CHCHD6: variants seen among roughly 807,000 people sequenced by gnomAD.
CHCHD6 encodes the protein MICOS complex subunit MIC25.
In CHCHD6, 28 loss-of-function variants were observed where a neutral mutation model predicts 32.3. That is an observed-to-expected ratio of 0.87 (90% CI 0.64 to 1.19). The LOEUF (loss-of-function observed/expected upper bound fraction) is 1.19, where lower values mean the gene tolerates loss of function less well. Ranked by LOEUF, CHCHD6 falls within the 50% of genes most tolerant of loss-of-function variation. CHCHD6 has a pLI of 0.00. For synonymous variants in CHCHD6, 122 were observed against 117.5 expected, an observed-to-expected ratio of 1.04 and a Z score of -0.25; for missense variants, 333 against 307.0, an observed-to-expected ratio of 1.08 and a Z score of -0.63.
chr3:126,927,869 G>A (rs1341046039), intron 6 of CHCHD6, among the ~76,000 whole-genome samples: 2 of 152,118 alleles, frequency 1.3e-5, no homozygotes, highest in Non-Finnish European at 2.9e-5. Flanking sequence ...CTGTTCTTTA[G>A]AGAAAGCTTT....
At chr3:126,950,526 A>T (rs745382132) in intron 6 of CHCHD6, among the ~76,000 whole-genome samples, 15 of 152,176 alleles carry the variant, frequency 9.9e-5, no homozygotes, top group Non-Finnish European at 1.9e-4. Context: ...CTCTCTGCTC[A>T]CTGCACACCT....
At chr3:126,834,053 C>CAAA (rs55790919) in intron 4 of CHCHD6, among the ~76,000 whole-genome samples, 7,658 of 44,264 alleles carry the variant, frequency 0.17, 596 homozygotes, top group African/African-American at 0.22. Context: ...GACTCCGTCT[C>CAAA]AAAAAAAAAA....
chr3:126,766,877 G>T, intron 4 of CHCHD6: 2 of 968,852 alleles, frequency 2.1e-6, no homozygotes, highest in Non-Finnish European at 3.4e-6. Context: ...TTCACCAGGT[G>T]GGGGACCATC....
chr3:126,860,536 G>A lies in CHCHD6; in HGVS notation c.495+7806G>A, dbSNP rs530097027. 2.0e-4 allele frequency among the ~76,000 whole-genome samples: 30 copies of A among 152,216 alleles called. No homozygotes were observed. In the East Asian group the frequency reaches 5.8e-3, roughly 29 times the overall value. ...GGTGCAGCACACCAACATGGCACAT[G>A]TATACATATGTAACAAACCTGCATG... On this transcript the variant is annotated intron_variant, in intron 5 of 7. Transcript: ENST00000290913.
intron 5 of CHCHD6, among the ~76,000 whole-genome samples, chr3:126,884,603 T>G (rs758532704): frequency 9.2e-5 from 14 of 152,180 alleles, no homozygotes; most frequent in Non-Finnish European, 1.6e-4. Context: ...GGAACTGAAC[T>G]TGTTTTGAAT....
chr3:126,747,045 C>T (rs1450778360), intron 4 of CHCHD6, among the ~76,000 whole-genome samples: 2 of 152,164 alleles, frequency 1.3e-5, no homozygotes, highest in Non-Finnish European at 2.9e-5. Flanking sequence ...GTTTTTTGCC[C>T]CGATCTCAGC....
intron 4 of CHCHD6, among the ~76,000 whole-genome samples, chr3:126,756,599 C>A (rs866182673): frequency 6.6e-6 from 1 of 152,170 alleles, no homozygotes; most frequent in Non-Finnish European, 1.5e-5. Flanking sequence ...TCCTGGATAA[C>A]CTTGAGCAAA....
intron 5 of CHCHD6, among the ~76,000 whole-genome samples, chr3:126,867,639 C>G (rs1248260355): frequency 6.6e-6 from 1 of 152,186 alleles, no homozygotes; most frequent in Non-Finnish European, 1.5e-5. Flanking sequence ...TTTCTCTGCC[C>G]TTTGGCCCTT....
At chr3:126,878,493 C>T (rs1043544283) in intron 5 of CHCHD6, among the ~76,000 whole-genome samples, 4 of 152,178 alleles carry the variant, frequency 2.6e-5, no homozygotes, top group African/African-American at 9.7e-5. Context: ...TTAGAATGCA[C>T]AGTGAATAAT....
intron 4 of CHCHD6, among the ~76,000 whole-genome samples, chr3:126,743,097 A>G (rs1936347231): frequency 6.6e-6 from 1 of 151,594 alleles, no homozygotes; most frequent in Non-Finnish European, 1.5e-5. Context: ...GCTGTTTTGA[A>G]CCCTATGGGG....
In CHCHD6 at chr3:126,881,203, C is replaced by T. The variant is rs543380399; in HGVS notation, c.495+28473C>T. 2.6e-5 allele frequency among the ~76,000 whole-genome samples: 4 copies of T among 152,362 alleles called. No individual in the cohort carries two copies. In the East Asian group the frequency reaches 7.7e-4, roughly 29 times the overall value. ...TGTCCTCGTAGGCCTCCCAGGCTTG[C>T]TCTGTACATTTGTTCCTGAATGCAA... is the stretch of plus-strand genomic sequence containing the variant. On this transcript the variant is annotated intron_variant, in intron 5 of 7. Transcript: ENST00000290913.
chr3:126,874,735 G>A (rs565224374), intron 5 of CHCHD6, among the ~76,000 whole-genome samples: 2 of 152,142 alleles, frequency 1.3e-5, no homozygotes, highest in African/African-American at 4.8e-5. Context: ...TGGTCTCCTT[G>A]CCTTTAGTCC....
intron 4 of CHCHD6, among the ~76,000 whole-genome samples, chr3:126,825,469 C>G (rs1424800891): frequency 6.6e-6 from 1 of 152,008 alleles, no homozygotes; most frequent in Non-Finnish European, 1.5e-5. Context: ...CTTTTTCTTA[C>G]TTTTTTTGGT....
intron 5 of CHCHD6, among the ~76,000 whole-genome samples, chr3:126,910,273 G>GAAAAACAAAAAAAAC (rs1553756146): frequency 9.0e-6 from 1 of 111,456 alleles, no homozygotes; most frequent in Non-Finnish European, 1.8e-5. Flanking sequence ...CCTGCCTCAG[G>GAAAAACAAAAAAAAC]AAAAAAAAAA....
chr3:126,747,181 G>A (rs1039598591), intron 4 of CHCHD6, among the ~76,000 whole-genome samples: 2 of 152,166 alleles, frequency 1.3e-5, no homozygotes, highest in African/African-American at 4.8e-5. Flanking sequence ...GGAGCTGCTG[G>A]TGATGCCTCA....
chr3:126,790,784 C>A (rs2107685690), intron 4 of CHCHD6, among the ~76,000 whole-genome samples: 1 of 152,282 alleles, frequency 6.6e-6, no homozygotes, highest in South Asian at 2.1e-4. Context: ...TCCTTTAGCT[C>A]AGAGAAGTTT....
chr3:126,713,162 C>A (rs1434229594), intron 1 of CHCHD6, among the ~76,000 whole-genome samples: 1 of 152,190 alleles, frequency 6.6e-6, no homozygotes, highest in African/African-American at 2.4e-5. Flanking sequence ...TGCTACCAGG[C>A]TATTTTTTTT....
At chr3:126,729,051 G>A (rs1376996074) in intron 2 of CHCHD6, among the ~76,000 whole-genome samples, 1 of 152,232 alleles carries the variant, frequency 6.6e-6, no homozygotes, top group South Asian at 2.1e-4. Context: ...GGAAATAAAA[G>A]ATTGAAATGT....
At chr3:126,715,929 G>A (rs1934992981) in intron 1 of CHCHD6, among the ~76,000 whole-genome samples, 1 of 152,200 alleles carries the variant, frequency 6.6e-6, no homozygotes. Context: ...TGCGCATTCA[G>A]TCAGATGGTC....
Sources: gnomAD v4.1 joint callset for allele counts (sites outside exome capture counted in the v4.1 genomes callset) on GRCh38, gnomAD v4.1.1 for gene constraint, MANE v1.5 for transcripts, NCBI Gene and HGNC (gene_info 2026-07-23, HGNC 2026-07-21) for gene names.